CNTN4: variants seen among roughly 807,000 people sequenced by gnomAD.
CNTN4 encodes the protein contactin-4.
Under a neutral mutation model 122.5 loss-of-function variants are expected in CNTN4, and 77 were observed. The observed-to-expected ratio is 0.63, with a 90% CI of 0.52 to 0.76. The LOEUF is 0.76. Among genes scored for constraint, CNTN4 ranks in the 30% least tolerant of loss-of-function variants. CNTN4 has a pLI of 0.00. For synonymous variants in CNTN4, 512 were observed against 447.0 expected (o/e 1.15, Z -1.83); for missense variants, 1,256 against 1,259.1 (o/e 1.00, Z 0.04).
chr3:2,166,941 G>GAAACGAGAAAATAT (rs2036220113), intron 2 of CNTN4, among the ~76,000 whole-genome samples: 1 of 152,064 alleles, frequency 6.6e-6, no homozygotes, highest in Non-Finnish European at 1.5e-5. Context: ...TTGGAAGAAA[G>GAAACGAGAAAATAT]AAACGAGAAA....
chr3:2,371,261 C>G (rs1319730670), intron 3 of CNTN4, among the ~76,000 whole-genome samples: 1 of 152,140 alleles, frequency 6.6e-6, no homozygotes, highest in Non-Finnish European at 1.5e-5. Flanking sequence ...CTTTTTGTGG[C>G]TCATACATGC....
At chr3:2,414,214 CTTGAATTATTT>C (rs2047330996) in intron 3 of CNTN4, among the ~76,000 whole-genome samples, 1 of 152,176 alleles carries the variant, frequency 6.6e-6, no homozygotes, top group Admixed American at 6.5e-5. Flanking sequence ...AGTGATGATA[CTTGAATTATTT>C]ATGTAAGTGT....
chr3:2,536,584 A>G (rs1030469247), intron 3 of CNTN4, among the ~76,000 whole-genome samples: 1 of 151,230 alleles, frequency 6.6e-6, no homozygotes, highest in African/African-American at 2.4e-5. Context: ...TATTTTTTAA[A>G]TAATTTTTTT....
In CNTN4 at chr3:2,938,465, T is replaced by G. The variant is rs549306323; in HGVS notation, c.1358+12686T>G. On this transcript the variant is annotated intron_variant, in intron 13 of 24. Transcript: ENST00000418658. The stretch of plus-strand genomic sequence containing the variant: ...AAACCAAGGCTGGAAGAAAGCAATT[T>G]ATTTACCTTACTTAAGGTTGCAAAG... 2.0e-5 allele frequency among the ~76,000 whole-genome samples: 3 copies of G among 152,344 alleles called. No homozygotes were observed. The South Asian group carries it at 6.2e-4, about 32-fold the overall frequency.
Position 2,847,243 on chromosome 3 carries a change from A to T in CNTN4, c.455-19509A>T, listed in dbSNP as rs2093471407. Among the ~76,000 whole-genome samples the T allele has an allele frequency of 2.6e-5, 4 of 151,928 alleles. No homozygotes were observed. In the South Asian group the frequency reaches 8.3e-4, roughly 32 times the overall value. ...CTTGGCACCCATCCCCTTAGAGGTC[A>T]GTAAGAGGCCCTTGTAATCATCCAC... On this transcript the variant is annotated intron_variant, in intron 7 of 24. Transcript: ENST00000418658.
rs766691135 is a variant in CNTN4 at position 2,745,485 on chromosome 3, T to A, written c.183-37T>A. The A allele has an allele frequency of 4.0e-6, 6 of 1,500,048 alleles. No homozygotes were observed. In the Admixed American group the frequency reaches 5.0e-5, roughly 13 times the overall value. The allele number at this position is 1,500,048 out of a possible 1,614,324, so 92.9% of individuals were successfully genotyped here. A position where few individuals can be genotyped will look rare whatever the true frequency, so the allele number is the denominator to read the frequency against. ...GACAATTCAGAAATATTGATTAATA[T>A]GACAAGACTTTATCTACTGGCATTT... On this transcript the variant is annotated intron_variant, in intron 5 of 24. Coordinates refer to ENST00000418658, the MANE Select transcript of CNTN4 (RefSeq NM_175607.3).
intron 3 of CNTN4, among the ~76,000 whole-genome samples, chr3:2,552,832 G>A (rs137878995): frequency 6.6e-6 from 1 of 152,292 alleles, no homozygotes; most frequent in East Asian, 1.9e-4. Flanking sequence ...ATTGGGAGAT[G>A]TGTTCAGAAG....
intron 3 of CNTN4, among the ~76,000 whole-genome samples, chr3:2,377,013 A>G (rs1161911161): frequency 2.6e-5 from 4 of 152,128 alleles, no homozygotes; most frequent in Admixed American, 2.6e-4. Flanking sequence ...AAAATTAGCC[A>G]GGCATAGTGG....
intron 4 of CNTN4, among the ~76,000 whole-genome samples, chr3:2,630,883 T>C (rs1210646794): frequency 2.0e-5 from 3 of 152,230 alleles, no homozygotes; most frequent in Non-Finnish European, 4.4e-5. Context: ...AGGCATTGTC[T>C]GTACTTGATC....
chr3:2,707,703 G>C (rs2086827864), intron 4 of CNTN4, among the ~76,000 whole-genome samples: 1 of 152,056 alleles, frequency 6.6e-6, no homozygotes, highest in African/African-American at 2.4e-5. Flanking sequence ...GATTGCAGTG[G>C]CTTGATCATA....
chr3:2,901,571 G>GGGTATA (rs1390998738), intron 11 of CNTN4, among the ~76,000 whole-genome samples: 2 of 152,142 alleles, frequency 1.3e-5, no homozygotes, highest in African/African-American at 4.8e-5. Flanking sequence ...CAAATTGCAG[G>GGGTATA]GGTATAGGTA....
intron 3 of CNTN4, among the ~76,000 whole-genome samples, chr3:2,525,664 G>T (rs2077374600): frequency 6.6e-6 from 1 of 152,118 alleles, no homozygotes; most frequent in African/African-American, 2.4e-5. Context: ...CAGATGCCAA[G>T]ATTTTCCATT....
intron 17 of CNTN4, among the ~76,000 whole-genome samples, chr3:3,036,290 T>G (rs1699597265): frequency 6.6e-6 from 1 of 152,208 alleles, no homozygotes; most frequent in Admixed American, 6.5e-5. Context: ...TTACTAATCC[T>G]TAGAAATGGG....
At chr3:2,614,425 G>A (rs1482989862) in intron 4 of CNTN4, among the ~76,000 whole-genome samples, 1 of 152,126 alleles carries the variant, frequency 6.6e-6, no homozygotes, top group African/African-American at 2.4e-5. Flanking sequence ...AAGTGACAAG[G>A]TAACATACTG....
At chr3:2,680,280 C>T (rs1297059691) in intron 4 of CNTN4, among the ~76,000 whole-genome samples, 1 of 152,172 alleles carries the variant, frequency 6.6e-6, no homozygotes. Context: ...TATTTGAAAT[C>T]TGCCTTGAAG....
At chr3:2,260,919 C>T (rs1235979596) in intron 2 of CNTN4, among the ~76,000 whole-genome samples, 3 of 151,626 alleles carry the variant, frequency 2.0e-5, no homozygotes, top group Admixed American at 1.3e-4. Context: ...TAAGTAGAGA[C>T]GAGGTTTCAC....
chr3:2,294,877 T>A (rs1322114761), intron 2 of CNTN4, among the ~76,000 whole-genome samples: 1 of 152,014 alleles, frequency 6.6e-6, no homozygotes, highest in East Asian at 2.0e-4. Flanking sequence ...CCTTCCTGTG[T>A]CCACGTGTTC....
At chr3:2,450,339 C>A (rs1169147198) in intron 3 of CNTN4, among the ~76,000 whole-genome samples, 1 of 151,044 alleles carries the variant, frequency 6.6e-6, no homozygotes, top group Non-Finnish European at 1.5e-5. Context: ...TGCACTCCAG[C>A]CTGGGTGAAG....
At chr3:3,002,981 A>G (rs1696201611) in intron 14 of CNTN4, among the ~76,000 whole-genome samples, 1 of 152,200 alleles carries the variant, frequency 6.6e-6, no homozygotes, top group East Asian at 1.9e-4. Context: ...CTGAAAGGAC[A>G]TTGGACTCGG....
Sources: gnomAD v4.1 joint callset for allele counts (sites outside exome capture counted in the v4.1 genomes callset) on GRCh38, gnomAD v4.1.1 for gene constraint, MANE v1.5 for transcripts, NCBI Gene and HGNC (gene_info 2026-07-23, HGNC 2026-07-21) for gene names.